The following NRXN1 variants were observed in gnomAD, a reference collection of about 807,000 sequenced individuals.
NRXN1 encodes the protein neurexin 1.
Under a neutral mutation model 150.9 loss-of-function variants are expected in NRXN1, and 39 were observed. The ratio of observed to expected loss-of-function variants is 0.26; its 90% CI spans 0.20 to 0.34. The LOEUF is 0.34. NRXN1 is among the 10% of genes least tolerant of loss of function. The pLI, the probability that NRXN1 is intolerant of heterozygous loss-of-function variation, is 1.00. For synonymous variants in NRXN1, 924 were observed against 757.0 expected (o/e 1.22, Z -3.62); for missense variants, 1,815 against 1,949.9 (o/e 0.93, Z 1.30).
intron 8 of NRXN1, among the ~76,000 whole-genome samples, chr2:50,581,309 C>T (rs1279590853): frequency 6.6e-6 from 1 of 152,094 alleles, no homozygotes; most frequent in Admixed American, 6.6e-5. Flanking sequence ...GGCAGCACCT[C>T]GTATCTATGC....
chr2:49,977,611 T>C (rs975445707), intron 21 of NRXN1, among the ~76,000 whole-genome samples: 2 of 152,082 alleles, frequency 1.3e-5, no homozygotes, highest in African/African-American at 2.4e-5. Flanking sequence ...CCAATTTTAA[T>C]AAGTTACAGA....
rs1052569107 is a variant in NRXN1 at position 50,053,674 on chromosome 2, G to A, written c.3809-84C>T. The A allele has an allele frequency of 2.5e-5, 34 of 1,367,734 alleles. No homozygotes were observed. In the East Asian group the frequency reaches 7.9e-4, roughly 32 times the overall value. 84.7% of individuals were successfully genotyped at this position (1,367,734 alleles called of 1,614,324 possible). On this transcript the variant is annotated intron_variant, in intron 20 of 22. Transcript: ENST00000401669. ...TGGATGATAAAACAGATCTTTTATG[G>A]GGTGAATAATGAGAGCAATAAACTA...
At chr2:50,496,174 G>A in intron 14 of NRXN1, 79 bp from the exon 15 acceptor site, 1 of 1,160,054 alleles carries the variant, frequency 8.6e-7, no homozygotes, top group Non-Finnish European at 1.2e-6. Flanking sequence ...TACAAATGGA[G>A]ATTTTTTTTC....
chr2:50,339,193 A>G lies in NRXN1; in HGVS notation c.3365-102223T>C, dbSNP rs188703723. The stretch of plus-strand genomic sequence containing the variant: ...CCTTGTATTTTACCACATATTAAAA[A>G]GCACTCTTTTACAATCTGTTAATTT... On this transcript the variant is annotated intron_variant, in intron 17 of 22. Coordinates refer to ENST00000401669, the MANE Select transcript of NRXN1 (RefSeq NM_001330078.2). Among the ~76,000 whole-genome samples the G allele has an allele frequency of 9.2e-5, 14 of 152,320 alleles. No individual in the cohort carries two copies. The East Asian group carries it at 2.5e-3, about 27-fold the overall frequency.
intron 18 of NRXN1, among the ~76,000 whole-genome samples, chr2:50,112,687 G>T (rs1382753027): frequency 6.6e-6 from 1 of 152,108 alleles, no homozygotes; most frequent in Non-Finnish European, 1.5e-5. Flanking sequence ...GTGTCTGGGG[G>T]TGTGTCCCAG....
At chr2:50,384,801 T>C (rs1212849147) in intron 17 of NRXN1, among the ~76,000 whole-genome samples, 4 of 152,168 alleles carry the variant, frequency 2.6e-5, no homozygotes, top group Non-Finnish European at 5.9e-5. Context: ...TTGCATCTCT[T>C]GTATTTTTCT....
chr2:49,961,088 G>A (rs1426789150), intron 21 of NRXN1, among the ~76,000 whole-genome samples: 2 of 151,622 alleles, frequency 1.3e-5, no homozygotes, highest in Non-Finnish European at 2.9e-5. Context: ...GGATTTCTAG[G>A]GGTGTATGTT....
intron 17 of NRXN1, among the ~76,000 whole-genome samples, chr2:50,441,774 A>C (rs1428608676): frequency 6.6e-6 from 1 of 152,200 alleles, no homozygotes; most frequent in Non-Finnish European, 1.5e-5. Context: ...AAATATCGAA[A>C]AAATAAAAAT....
At chr2:50,085,747 C>T (rs1280813854) in intron 19 of NRXN1, among the ~76,000 whole-genome samples, 2 of 151,360 alleles carry the variant, frequency 1.3e-5, no homozygotes, top group African/African-American at 4.9e-5. Flanking sequence ...GTTTAAATAC[C>T]CATAAGATAG....
chr2:50,821,152 G>A (rs1231273507), intron 5 of NRXN1, among the ~76,000 whole-genome samples: 5 of 152,048 alleles, frequency 3.3e-5, no homozygotes, highest in African/African-American at 4.8e-5. Flanking sequence ...AATATGAAGA[G>A]TATGGATCCA....
At chr2:50,820,256 G>C (rs909139984) in intron 5 of NRXN1, among the ~76,000 whole-genome samples, 1 of 152,028 alleles carries the variant, frequency 6.6e-6, no homozygotes, top group Non-Finnish European at 1.5e-5. Flanking sequence ...ATTGCTTTCT[G>C]ATAGTGTCTA....
chr2:50,825,041 C>T (rs1420544734), intron 5 of NRXN1, among the ~76,000 whole-genome samples: 1 of 152,120 alleles, frequency 6.6e-6, no homozygotes, highest in Non-Finnish European at 1.5e-5. Flanking sequence ...AATAGGGCTG[C>T]CTTTATATAA....
At chr2:50,351,503 G>A (rs888635188) in intron 17 of NRXN1, among the ~76,000 whole-genome samples, 2 of 152,164 alleles carry the variant, frequency 1.3e-5, no homozygotes, top group African/African-American at 4.8e-5. Context: ...TTAGGAGGAA[G>A]TTAATCCTTT....
At chr2:50,307,197 T>G (rs2074702717) in intron 17 of NRXN1, among the ~76,000 whole-genome samples, 1 of 152,150 alleles carries the variant, frequency 6.6e-6, no homozygotes, top group South Asian at 2.1e-4. Flanking sequence ...TTGGCCAGGC[T>G]GGTCTCGAAC....
intron 17 of NRXN1, among the ~76,000 whole-genome samples, chr2:50,400,401 G>A (rs1276347598): frequency 6.6e-6 from 1 of 151,980 alleles, no homozygotes; most frequent in Non-Finnish European, 1.5e-5. Flanking sequence ...CTATTGGGGG[G>A]TAGGGGTCTT....
At chr2:50,817,766 T>C (rs535700811) in intron 5 of NRXN1, among the ~76,000 whole-genome samples, 78 of 152,120 alleles carry the variant, frequency 5.1e-4, no homozygotes, top group South Asian at 1.5e-3. Context: ...TCTCAATAGA[T>C]GCAGGGGGTA....
At chr2:50,246,461 C>G (rs1450491021) in intron 17 of NRXN1, among the ~76,000 whole-genome samples, 1 of 151,976 alleles carries the variant, frequency 6.6e-6, no homozygotes, top group African/African-American at 2.4e-5. Context: ...AAAACCAGAA[C>G]CTTAACTTTT....
rs746794432 is a variant in NRXN1 at position 50,472,829 on chromosome 2, G to GTGTGTGTGTATA, written c.3071-359_3071-358insTATACACACACA. Among the ~76,000 whole-genome samples the GTGTGTGTGTATA allele has an allele frequency of 3.8e-5, 3 of 79,746 alleles. No individual in the cohort carries two copies. The South Asian group carries it at 1.7e-3, about 45-fold the overall frequency. 52.3% of individuals were successfully genotyped at this position (79,746 alleles called of 152,430 possible). Reference sequence around the variant, plus strand: ...TGTGTGTGTGTGTGTGTGTGTGTGTGTATATATATATATAAGTTTCTCTGA... The same window carrying GTGTGTGTGTATA: ...TGTGTGTGTGTGTGTGTGTGTGTGTGTGTGTGTGTATATATATATATATATAAGTTTCTCTGA... On this transcript the variant is annotated intron_variant, in intron 15 of 22. Coordinates refer to ENST00000401669, the MANE Select transcript of NRXN1 (RefSeq NM_001330078.2).
chr2:50,498,626 G>C (rs1026670798), intron 13 of NRXN1, among the ~76,000 whole-genome samples: 8 of 152,070 alleles, frequency 5.3e-5, no homozygotes. Context: ...AGCAAACTTA[G>C]TCCCATCTTT....
Sources: gnomAD v4.1 joint callset for allele counts (sites outside exome capture counted in the v4.1 genomes callset) on GRCh38, gnomAD v4.1.1 for gene constraint, MANE v1.5 for transcripts, NCBI Gene and HGNC (gene_info 2026-07-23, HGNC 2026-07-21) for gene names.